The following WWOX variants were observed in gnomAD, a reference collection of about 807,000 sequenced individuals.
The protein encoded by WWOX is WW domain containing oxidoreductase.
A neutral mutation model predicts 46.2 loss-of-function variants in WWOX; 69 were observed. That is an observed-to-expected ratio of 1.49 (90% confidence interval 1.23 to 1.82). The LOEUF (loss-of-function observed/expected upper bound fraction) is 1.82. Ranked by LOEUF, WWOX falls within the 40% of genes most tolerant of loss-of-function variation. The pLI is 0.00. For missense variants in WWOX, 919 were observed against 542.6 expected, an observed-to-expected ratio of 1.69 and a Z score of -6.89; for synonymous variants, 359 against 202.6, an observed-to-expected ratio of 1.77 and a Z score of -6.56.
intron 8 of WWOX, among the ~76,000 whole-genome samples, chr16:78,939,995 A>C (rs2045819924): frequency 6.6e-6 from 1 of 152,104 alleles, no homozygotes; most frequent in South Asian, 2.1e-4. Context: ...GGAAATTTTA[A>C]ATCTATTTTT....
At position 78,347,518 on chromosome 16, in the gene WWOX, C is replaced by G. The variant is rs1440187628; in HGVS notation, c.517-39342C>G. ...CTATCCCTCCTCGACACCCACACCT[C>G]TTGCATGTTCCTGAGCTTCTTAGGC... On this transcript the variant is annotated intron_variant, in intron 5 of 8. Transcript: ENST00000566780. Among the ~76,000 whole-genome samples the G allele has an allele frequency of 1.7e-5, 2 of 118,244 alleles. 1 individual carries two copies. Among genetic ancestry groups the G allele is most frequent in the Admixed American group, 1.7e-4 (2 of 11,944 alleles). The allele number at this position is 118,244 out of a possible 152,430, so 77.6% of individuals were successfully genotyped here. A position where few individuals can be genotyped will look rare whatever the true frequency, so the allele number is the denominator to read the frequency against.
At chr16:78,336,922 G>A (rs2080904271) in intron 5 of WWOX, among the ~76,000 whole-genome samples, 1 of 152,004 alleles carries the variant, frequency 6.6e-6, no homozygotes, top group Non-Finnish European at 1.5e-5. Flanking sequence ...GGGATTACAG[G>A]CGCCCGCCAC....
chr16:78,882,627 A>G (rs1169540551), intron 8 of WWOX, among the ~76,000 whole-genome samples: 1 of 151,234 alleles, frequency 6.6e-6, no homozygotes. Flanking sequence ...AGCTGGGATT[A>G]CAGGTATGTG....
At chr16:78,785,990 TC>T (rs1258128212) in intron 8 of WWOX, among the ~76,000 whole-genome samples, 1 of 152,196 alleles carries the variant, frequency 6.6e-6, no homozygotes, top group Non-Finnish European at 1.5e-5. Flanking sequence ...CACCGCAACC[TC>T]CGCCTCCTGG....
intron 8 of WWOX, among the ~76,000 whole-genome samples, chr16:79,153,613 G>A (rs1377884219): frequency 6.6e-6 from 1 of 152,080 alleles, no homozygotes; most frequent in Admixed American, 6.6e-5. Context: ...AAGCAATAAA[G>A]AACCTCTAGA....
At chr16:78,113,209 C>T (rs548719651) in intron 3 of WWOX, among the ~76,000 whole-genome samples, 1 of 152,196 alleles carries the variant, frequency 6.6e-6, no homozygotes, top group Non-Finnish European at 1.5e-5. Context: ...CACCCCAGAC[C>T]TACTGAATCA....
intron 4 of WWOX, among the ~76,000 whole-genome samples, chr16:78,142,849 C>T (rs143787003): frequency 6.6e-6 from 1 of 152,168 alleles, no homozygotes; most frequent in Non-Finnish European, 1.5e-5. Context: ...TTAGAAACTG[C>T]CTTATTCAAT....
intron 6 of WWOX, among the ~76,000 whole-genome samples, chr16:78,416,714 G>A (rs1323341004): frequency 6.6e-6 from 1 of 152,174 alleles, no homozygotes. Flanking sequence ...CTTAAAATTA[G>A]GTAAACACTG....
In WWOX at chr16:78,154,787, C is replaced by G. The variant is rs151024644; in HGVS notation, c.410-9396C>G. Among the ~76,000 whole-genome samples, 179 of 152,250 alleles carry G rather than the reference C, an allele frequency of 1.2e-3. 1 individual carries two copies. The highest frequency in any genetic ancestry group is 4.1e-3 in the African/African-American group (170 of 41,536). On this transcript the variant is annotated intron_variant, in intron 4 of 8. Coordinates refer to ENST00000566780, the MANE Select transcript of WWOX (RefSeq NM_016373.4). ...GGGTTTGACATGGTTTAAATAAAAT[C>G]TCAACCAGATCAGTGGGAGATGTTC...
chr16:78,770,859 G>C (rs116950943), intron 8 of WWOX, among the ~76,000 whole-genome samples: 1 of 152,390 alleles, frequency 6.6e-6, no homozygotes, highest in Non-Finnish European at 1.5e-5. Flanking sequence ...GTCATCTGTG[G>C]ACGGTTGGCA....
chr16:78,695,538 C>A (rs544699097), intron 8 of WWOX, among the ~76,000 whole-genome samples: 1 of 152,274 alleles, frequency 6.6e-6, no homozygotes, highest in South Asian at 2.1e-4. Context: ...GCAGATCCCA[C>A]CTGTGAGGCT....
intron 8 of WWOX, among the ~76,000 whole-genome samples, chr16:78,569,829 A>G (rs1435041974): frequency 1.3e-5 from 2 of 152,172 alleles, no homozygotes; most frequent in Non-Finnish European, 2.9e-5. Flanking sequence ...CTAATAAACC[A>G]TATTCGTAAT....
At chr16:79,102,403 T>C (rs2049219460) in intron 8 of WWOX, among the ~76,000 whole-genome samples, 1 of 152,120 alleles carries the variant, frequency 6.6e-6, no homozygotes, top group Non-Finnish European at 1.5e-5. Flanking sequence ...TATGAATGTA[T>C]GGAATATTAT....
At chr16:78,719,221 G>A (rs574867863) in intron 8 of WWOX, among the ~76,000 whole-genome samples, 2 of 152,300 alleles carry the variant, frequency 1.3e-5, no homozygotes, top group Admixed American at 6.5e-5. Context: ...TGCAGGTAAT[G>A]TGTTTAGCAC....
At chr16:78,790,247 G>A (rs1455856467) in intron 8 of WWOX, among the ~76,000 whole-genome samples, 2 of 152,076 alleles carry the variant, frequency 1.3e-5, no homozygotes, top group South Asian at 2.1e-4. Context: ...TGATTGTCCT[G>A]CCTCAGCCTC....
At chr16:78,141,265 G>A (rs746981683) in intron 4 of WWOX, among the ~76,000 whole-genome samples, 66 of 152,132 alleles carry the variant, frequency 4.3e-4, no homozygotes, top group Non-Finnish European at 6.8e-4. Context: ...TTTCCACTGC[G>A]GAGATGGTAT....
intron 8 of WWOX, among the ~76,000 whole-genome samples, chr16:79,129,975 T>C (rs1260614588): frequency 6.6e-6 from 1 of 152,222 alleles, no homozygotes; most frequent in African/African-American, 2.4e-5. Context: ...TTTCCTCATC[T>C]GTAAAATAGA....
intron 8 of WWOX, among the ~76,000 whole-genome samples, chr16:78,984,291 C>G (rs377619385): frequency 1.3e-5 from 2 of 152,242 alleles, no homozygotes; most frequent in African/African-American, 4.8e-5. Context: ...TTCTTAGGAG[C>G]TTTATCAGGT....
chr16:78,763,966 C>T lies in WWOX; in HGVS notation c.1056+331214C>T, dbSNP rs574143228. Among the ~76,000 whole-genome samples, 10 of 152,284 alleles carry T rather than the reference C, an allele frequency of 6.6e-5. No homozygotes were observed. The South Asian group carries it at 1.7e-3, about 25-fold the overall frequency. On this transcript the variant is annotated intron_variant, in intron 8 of 8. Coordinates refer to ENST00000566780, the MANE Select transcript of WWOX (RefSeq NM_016373.4). ...TGAAGAAGCCCCACTCTCCCTCTGCCCCACATCTATTGTGGGCTGGGATAC... is the reference window on the plus strand; with the variant it reads ...TGAAGAAGCCCCACTCTCCCTCTGCTCCACATCTATTGTGGGCTGGGATAC...
Sources: allele counts gnomAD v4.1 joint callset (sites outside exome capture counted in the v4.1 genomes callset), GRCh38; gene constraint gnomAD v4.1.1; transcripts MANE v1.5; gene names NCBI Gene and HGNC (gene_info 2026-07-23, HGNC 2026-07-21).